CYP4X1: variants seen among roughly 807,000 people sequenced by gnomAD.
CYP4X1 encodes cytochrome P450 4X1.
Under a neutral mutation model 57.9 loss-of-function variants are expected in CYP4X1, and 44 were observed. The ratio of observed to expected loss-of-function variants is 0.76; its 90% CI spans 0.60 to 0.98. CYP4X1 has a LOEUF of 0.98. CYP4X1 is among the 50% of genes least tolerant of loss of function. The probability of loss-of-function intolerance (pLI) is 0.00; values close to 1 mark genes in which losing one functional copy is unlikely to be tolerated. For synonymous variants in CYP4X1, 227 were observed against 228.6 expected, an observed-to-expected ratio of 0.99 and a Z score of 0.06; for missense variants, 532 against 623.9, an observed-to-expected ratio of 0.85 and a Z score of 1.57.
Position 47,047,711 on chromosome 1 carries a change from C to T in CYP4X1, c.1208-854C>T, listed in dbSNP as rs1644317291. On this transcript the variant is annotated intron_variant, in intron 9 of 11. Coordinates refer to ENST00000371901, the MANE Select transcript of CYP4X1 (RefSeq NM_178033.2). ...CTGCCTCCCAGGTTTAAGCAGTTCT[C>T]CTGCCTCAGCCTCCCGAGTAGCTGG... 2.6e-5 allele frequency among the ~76,000 whole-genome samples: 4 copies of T among 152,160 alleles called. No homozygotes were observed. The South Asian group carries it at 8.3e-4, about 32-fold the overall frequency.
Position 47,039,529 on chromosome 1 carries a change from C to G in CYP4X1, c.1070C>G (p.Thr357Ser). 1 of 1,601,796 alleles carries G rather than the reference C, an allele frequency of 6.2e-7. No individual in the cohort carries two copies. The highest frequency in any genetic ancestry group is 8.5e-7 in the Non-Finnish European group (1 of 1,176,126). Residue 357 changes from threonine to serine, a missense_variant, in exon 8 of 12, where the codon ACT becomes AGT. Physicochemically the swap from Thr to Ser is moderately conservative, Grantham distance 58. Coordinates refer to ENST00000371901, the MANE Select transcript of CYP4X1 (RefSeq NM_178033.2). ...ATCCTGGGGGATGGGTCTTCTATCA[C>G]TTGGTAAGATCTGCACCCCTAAATT... ...RGILGDGSSI[T>S]WDQLGEMSYT... is the part of the protein sequence containing the mutation.
chr1:46,991,010 G>A, the CYP4X1 span, among the ~76,000 whole-genome samples: 3 of 150,580 alleles, frequency 2.0e-5, no homozygotes, highest in African/African-American at 7.4e-5. Flanking sequence ...TAACAAACCT[G>A]CACGTTCTGC....
At chr1:47,021,582 T>C (rs972798967), upstream of CYP4X1, among the ~76,000 whole-genome samples, 2 of 152,082 alleles carry the variant, frequency 1.3e-5, no homozygotes, top group Non-Finnish European at 1.5e-5. Flanking sequence ...AGAGTGAAAA[T>C]GGCAGTGAAG....
chr1:47,002,380 C>T, the CYP4X1 span, among the ~76,000 whole-genome samples: 1 of 152,154 alleles, frequency 6.6e-6, no homozygotes, highest in African/African-American at 2.4e-5. Flanking sequence ...AGAAATTGAG[C>T]TTAGGGATGC....
chr1:46,976,579 G>A, the CYP4X1 span, among the ~76,000 whole-genome samples: 583 of 152,292 alleles, frequency 3.8e-3, 9 homozygotes, highest in African/African-American at 0.014. Context: ...CTGTCTGACA[G>A]CTCTGAAGAG....
downstream of CYP4X1, among the ~76,000 whole-genome samples, chr1:47,055,404 G>C (rs1472080595): frequency 1.3e-5 from 2 of 152,150 alleles, no homozygotes; most frequent in African/African-American, 2.4e-5. Context: ...TCTCTGCCAG[G>C]CTTTGATATC....
At chr1:46,992,969 A>G in the CYP4X1 span, among the ~76,000 whole-genome samples, 5 of 152,162 alleles carry the variant, frequency 3.3e-5, no homozygotes, top group African/African-American at 1.2e-4. Context: ...TTTAGGGTAC[A>G]TGTGCACAAC....
chr1:47,053,744 C>T (rs142090388), downstream of CYP4X1, among the ~76,000 whole-genome samples: 11,205 of 152,198 alleles, frequency 0.074, 527 homozygotes, highest in East Asian at 0.22. Context: ...TCATATCCTT[C>T]GCCCACTTTT....
chr1:47,033,144 T>C, intron 3 of CYP4X1, 97 bp from the exon 4 acceptor site: 1 of 1,365,382 alleles, frequency 7.3e-7, no homozygotes, highest in South Asian at 1.4e-5. Flanking sequence ...CATGACTGCC[T>C]GTGGGTCATG....
At position 47,023,860 on chromosome 1, in the gene CYP4X1, T is replaced by A. The variant is rs757434709; in HGVS notation, c.43T>A (p.Tyr15Asn). 6.2e-7 allele frequency: 1 copy of A among 1,613,644 alleles called. No homozygotes were observed. The highest frequency in any genetic ancestry group is 8.5e-7 in the Non-Finnish European group (1 of 1,179,946). The change falls in exon 1 of 12, where the codon TAC (tyrosine) becomes AAC (asparagine). Residue 15 changes from tyrosine to asparagine, a missense_variant. Coordinates refer to ENST00000371901, the MANE Select transcript of CYP4X1 (RefSeq NM_178033.2). ...GGAGACGCGCTGGGCGCGGCCCTTT[T>A]ACCTGGCGTTCGTGTTCTGCCTGGC... is the stretch of plus-strand genomic sequence containing the variant. ...WLETRWARPF[Y>N]LAFVFCLALG...
the CYP4X1 span, among the ~76,000 whole-genome samples, chr1:46,998,102 G>C: frequency 6.6e-6 from 1 of 152,000 alleles, no homozygotes; most frequent in Non-Finnish European, 1.5e-5. Flanking sequence ...TTTTGATTTA[G>C]TATTATGCAT....
chr1:46,992,226 G>C, the CYP4X1 span, among the ~76,000 whole-genome samples: 2 of 152,226 alleles, frequency 1.3e-5, no homozygotes, highest in Non-Finnish European at 2.9e-5. Flanking sequence ...TGAGGCACGA[G>C]AATCACTTGA....
At chr1:47,049,889 T>TG (rs1644343395) in intron 11 of CYP4X1, 111 bp from the exon 12 acceptor site, 1 of 1,064,572 alleles carries the variant, frequency 9.4e-7, no homozygotes, top group African/African-American at 1.9e-5. Context: ...TGGCATTTGG[T>TG]GGAAAAATAT....
the CYP4X1 span, among the ~76,000 whole-genome samples, chr1:46,969,237 G>A: frequency 3.7e-4 from 56 of 152,282 alleles, no homozygotes; most frequent in Non-Finnish European, 4.7e-4. Flanking sequence ...GCTCCCCTTC[G>A]CCTTTGCCGT....
At chr1:47,026,569 A>G (rs530986742) in intron 1 of CYP4X1, among the ~76,000 whole-genome samples, 2 of 152,212 alleles carry the variant, frequency 1.3e-5, no homozygotes, top group East Asian at 1.9e-4. Flanking sequence ...ATCAATTTCT[A>G]CAAGGAAACC....
chr1:47,014,593 A>G, the CYP4X1 span, among the ~76,000 whole-genome samples: 1 of 152,186 alleles, frequency 6.6e-6, no homozygotes, highest in African/African-American at 2.4e-5. Flanking sequence ...CAAGTTTACA[A>G]CTGACTTCCA....
At chr1:46,986,454 C>T in the CYP4X1 span, among the ~76,000 whole-genome samples, 7 of 152,308 alleles carry the variant, frequency 4.6e-5, no homozygotes, top group South Asian at 1.5e-3. Flanking sequence ...AGCTGGAAAA[C>T]ACTCTTCAGG....
At chr1:46,969,356 C>T in the CYP4X1 span, among the ~76,000 whole-genome samples, 1 of 152,146 alleles carries the variant, frequency 6.6e-6, no homozygotes, top group Non-Finnish European at 1.5e-5. Context: ...ATAAATTACC[C>T]TGTCTCAGAT....
chr1:47,000,192 C>T, the CYP4X1 span, among the ~76,000 whole-genome samples: 2 of 152,016 alleles, frequency 1.3e-5, no homozygotes, highest in African/African-American at 4.8e-5. Context: ...TTGGCAATTC[C>T]CTTTCATGCT....
Sources: allele counts gnomAD v4.1 joint callset (sites outside exome capture counted in the v4.1 genomes callset), GRCh38; gene constraint gnomAD v4.1.1; transcripts MANE v1.5; gene names NCBI Gene and HGNC (gene_info 2026-07-23, HGNC 2026-07-21).